ENTPD1: variants seen among roughly 807,000 people sequenced by gnomAD.
ENTPD1 encodes ectonucleoside triphosphate diphosphohydrolase 1.
A neutral mutation model predicts 57.0 loss-of-function variants in ENTPD1; 33 were observed. That is an observed-to-expected ratio of 0.58 (90% CI 0.44 to 0.77). The LOEUF is 0.77. ENTPD1 is among the 30% of genes least tolerant of loss of function. The pLI, the probability that ENTPD1 is intolerant of heterozygous loss-of-function variation, is 0.00. For missense variants in ENTPD1, 501 were observed against 603.4 expected (o/e 0.83, Z 1.78); for synonymous variants, 202 against 218.8 (o/e 0.92, Z 0.68).
rs2098485262 is a variant in ENTPD1 at position 95,875,890 on chromosome 10, C to A, written c.*9507C>A. 1 of 775,568 alleles carries A rather than the reference C, an allele frequency of 1.3e-6. No individual in the cohort carries two copies. Among genetic ancestry groups the A allele is most frequent in the Non-Finnish European group, 1.6e-6 (1 of 638,754 alleles). The allele number at this position is 775,568 out of a possible 1,614,324, so 48.0% of individuals were successfully genotyped here. Reference sequence around the variant, plus strand: ...ACCAGCCCCCTTGATTCAATTACCTCCCCCTGGGTCCTGTGGGAATTCTGG... The same window carrying A: ...ACCAGCCCCCTTGATTCAATTACCTACCCCTGGGTCCTGTGGGAATTCTGG... On this transcript the variant is annotated 3_prime_UTR_variant, in exon 10 of 10. Transcript: ENST00000371205.
rs1456617302 is a variant in ENTPD1, at chr10:95,870,982, T to G, written c.*4599T>G. 2.0e-6 allele frequency: 2 copies of G among 985,338 alleles called. No homozygotes were observed. The highest frequency in any genetic ancestry group is 2.4e-6 in the Non-Finnish European group (2 of 829,944). 61.0% of individuals were successfully genotyped at this position (985,338 alleles called of 1,614,324 possible). A position where few individuals can be genotyped will look rare whatever the true frequency, so the allele number is the denominator to read the frequency against. The stretch of plus-strand genomic sequence containing the variant: ...CTTGTTCTCCTTGTCCAGTGGTTTC[T>G]AGGGATATGTTCTCATGATGAACCC... On this transcript the variant is annotated 3_prime_UTR_variant, in exon 10 of 10. Transcript: ENST00000371205.
upstream of ENTPD1, among the ~76,000 whole-genome samples, chr10:95,750,760 C>T (rs561214620): frequency 7.4e-4 from 113 of 152,286 alleles, 1 homozygote; most frequent in South Asian, 7.5e-3. Flanking sequence ...CGCGGTGGCT[C>T]ACGCCTGTAA....
chr10:95,820,787 G>A (rs1205728569), intron 1 of ENTPD1, among the ~76,000 whole-genome samples: 3 of 152,104 alleles, frequency 2.0e-5, no homozygotes, highest in Non-Finnish European at 4.4e-5. Flanking sequence ...ACCTATTTAT[G>A]TGCTTCTTTT....
chr10:95,876,542 C>A lies in ENTPD1; in HGVS notation c.*10159C>A. The A allele has an allele frequency of 8.1e-7, 1 of 1,231,242 alleles. No individual in the cohort carries two copies. Among genetic ancestry groups the A allele is most frequent in the Non-Finnish European group, 1.0e-6 (1 of 987,690 alleles). 76.3% of individuals were successfully genotyped at this position (1,231,242 alleles called of 1,614,324 possible). A position where few individuals can be genotyped will look rare whatever the true frequency, so the allele number is the denominator to read the frequency against. On this transcript the variant is annotated 3_prime_UTR_variant, in exon 10 of 10. Transcript: ENST00000371205. ...CCTTTGCAATAGTCAACTGAACCATCTTCTTGGAGTACTCATGAAGATGGA... is the reference window on the plus strand; with the variant it reads ...CCTTTGCAATAGTCAACTGAACCATATTCTTGGAGTACTCATGAAGATGGA...
At chr10:95,700,521 T>C in the ENTPD1 span, among the ~76,000 whole-genome samples, 1 of 151,924 alleles carries the variant, frequency 6.6e-6, no homozygotes. Context: ...ACTCCGTTCC[T>C]ACAAGAAATG....
rs1590234456 is a variant in ENTPD1, at chr10:95,872,167, G to A, written c.*5784G>A. On this transcript the variant is annotated 3_prime_UTR_variant, in exon 10 of 10. Transcript: ENST00000371205. Reference sequence around the variant, plus strand: ...TTTTACCTGGACTGATACCAGGAATGGTGGTGTTGCTTCCAATCTGTTGCT... The same window carrying A: ...TTTTACCTGGACTGATACCAGGAATAGTGGTGTTGCTTCCAATCTGTTGCT... 12 of 985,280 alleles carry A rather than the reference G, an allele frequency of 1.2e-5. No homozygotes were observed. The highest frequency in any genetic ancestry group is 1.3e-5 in the Non-Finnish European group (11 of 829,926). The allele number at this position is 985,280 out of a possible 1,614,324, so 61.0% of individuals were successfully genotyped here.
upstream of ENTPD1, chr10:95,755,464 A>G: frequency 3.8e-6 from 2 of 527,842 alleles, no homozygotes; most frequent in East Asian, 3.0e-5. Context: ...GGTAATCTTG[A>G]CGGTCTGGAT....
rs755239305 is a variant in ENTPD1 at position 95,860,597 on chromosome 10, A to ACAG, written c.1188+20_1188+22dup. On this transcript the variant is annotated intron_variant, in intron 8 of 9. Coordinates refer to ENST00000371205, the MANE Select transcript of ENTPD1 (RefSeq NM_001776.6). ...CTTGGGAGGAGGTAAGTGACTAGGCACAGCAGCTCTAACAGCATGAGTGCC... is the reference window on the plus strand; with the variant it reads ...CTTGGGAGGAGGTAAGTGACTAGGCACAGCAGCAGCTCTAACAGCATGAGTGCC... 2.9e-5 allele frequency: 47 copies of ACAG among 1,606,294 alleles called. No individual in the cohort carries two copies. Among genetic ancestry groups the ACAG allele is most frequent in the Middle Eastern group, 1.7e-4 (1 of 6,060 alleles).
rs186272021 is a variant in ENTPD1, at chr10:95,854,105, T to C, written c.1075-6364T>C. Among the ~76,000 whole-genome samples the C allele has an allele frequency of 6.0e-4, 91 of 152,350 alleles. No homozygotes were observed. The East Asian group carries it at 0.017, about 28-fold the overall frequency. ...TAAGCTATTAATTATTGCCTCAATT[T>C]CAGAGCCTGTTATTGGTCTATTCAG... On this transcript the variant is annotated intron_variant, in intron 7 of 9. Coordinates refer to ENST00000371205, the MANE Select transcript of ENTPD1 (RefSeq NM_001776.6).
At chr10:95,758,924 C>T (rs1182401286) in intron 1 of ENTPD1, among the ~76,000 whole-genome samples, 1 of 152,170 alleles carries the variant, frequency 6.6e-6, no homozygotes, top group Non-Finnish European at 1.5e-5. Flanking sequence ...CTCTGACGTA[C>T]TTATTGTGGG....
intron 7 of ENTPD1, among the ~76,000 whole-genome samples, chr10:95,856,056 C>T (rs558193035): frequency 3.9e-5 from 6 of 152,306 alleles, no homozygotes; most frequent in South Asian, 2.1e-4. Flanking sequence ...CCATTCTCCC[C>T]GTCACTTTCA....
Position 95,844,459 on chromosome 10 carries a change from G to T in ENTPD1, c.414-17G>T. ...TATTAAAACAAAAATGATAACCTCAGCTCTTCCTTTGTACAGGATGGAAAG... is the reference window on the plus strand; with the variant it reads ...TATTAAAACAAAAATGATAACCTCATCTCTTCCTTTGTACAGGATGGAAAG... On this transcript the variant is annotated splice_polypyrimidine_tract_variant and intron_variant, in intron 4 of 9. Transcript: ENST00000371205. 6.2e-7 allele frequency: 1 copy of T among 1,613,914 alleles called. No homozygotes were observed. The highest frequency in any genetic ancestry group is 8.5e-7 in the Non-Finnish European group (1 of 1,179,866).
chr10:95,817,514 A>T (rs2098334217), intron 1 of ENTPD1, among the ~76,000 whole-genome samples: 3 of 152,212 alleles, frequency 2.0e-5, no homozygotes, highest in Admixed American at 2.0e-4. Context: ...AGTAAGTCAC[A>T]TCACTCAGAA....
chr10:95,777,784 G>A (rs957153784), intron 1 of ENTPD1, among the ~76,000 whole-genome samples: 1 of 152,262 alleles, frequency 6.6e-6, no homozygotes, highest in Non-Finnish European at 1.5e-5. Flanking sequence ...GAGGCAGTAG[G>A]CCTTGCTGAG....
At chr10:95,737,709 A>G (rs1027255549) in intron 1 of ENTPD1, among the ~76,000 whole-genome samples, 2 of 152,172 alleles carry the variant, frequency 1.3e-5, no homozygotes, top group African/African-American at 4.8e-5. Context: ...CTTTTCCCCA[A>G]TGTTTAAATT....
upstream of ENTPD1, among the ~76,000 whole-genome samples, chr10:95,752,017 CAGAT>C (rs1279948441): frequency 6.6e-6 from 1 of 152,102 alleles, no homozygotes; most frequent in Non-Finnish European, 1.5e-5. Flanking sequence ...CCATCATACA[CAGAT>C]GGAGGAGGAA....
intron 7 of ENTPD1, among the ~76,000 whole-genome samples, chr10:95,852,781 T>C (rs1486295903): frequency 2.6e-5 from 4 of 152,220 alleles, no homozygotes; most frequent in African/African-American, 7.2e-5. Flanking sequence ...TTCTGTTCCA[T>C]TGGTCTGTAT....
chr10:95,872,042 T>G lies in ENTPD1; in HGVS notation c.*5659T>G, dbSNP rs1049985387. On this transcript the variant is annotated 3_prime_UTR_variant, in exon 10 of 10. Coordinates refer to ENST00000371205, the MANE Select transcript of ENTPD1 (RefSeq NM_001776.6). ...CCTGCCTCAATGAACCAAGATCAGC[T>G]CCATCACTGGGACCTCCCCATTCTG... The G allele has an allele frequency of 1.0e-6, 1 of 985,428 alleles. No homozygotes were observed. Among genetic ancestry groups the G allele is most frequent in the Non-Finnish European group, 1.2e-6 (1 of 829,926 alleles). 61.0% of individuals were successfully genotyped at this position (985,428 alleles called of 1,614,324 possible).
rs549362280 is a variant in ENTPD1 at position 95,872,288 on chromosome 10, C to T, written c.*5905C>T. On this transcript the variant is annotated 3_prime_UTR_variant, in exon 10 of 10. Coordinates refer to ENST00000371205, the MANE Select transcript of ENTPD1 (RefSeq NM_001776.6). ...ATTGCCTACAAAATAAAGTCAACCT[C>T]CCCATCAGACATTCAAGGCTTTCAA... is the stretch of plus-strand genomic sequence containing the variant. 7 of 985,406 alleles carry T rather than the reference C, an allele frequency of 7.1e-6. No individual in the cohort carries two copies. In the African/African-American group the frequency reaches 1.2e-4, roughly 17 times the overall value. The allele number at this position is 985,406 out of a possible 1,614,324, so 61.0% of individuals were successfully genotyped here. A position where few individuals can be genotyped will look rare whatever the true frequency, so the allele number is the denominator to read the frequency against.
Sources: allele counts gnomAD v4.1 joint callset (sites outside exome capture counted in the v4.1 genomes callset), GRCh38; gene constraint gnomAD v4.1.1; transcripts MANE v1.5; gene names NCBI Gene and HGNC (gene_info 2026-07-23, HGNC 2026-07-21).